Variants in TECPR1 observed in about 807,000 individuals in gnomAD.
TECPR1 encodes tectonin beta-propeller repeat containing 1.
A neutral mutation model predicts 162.4 loss-of-function variants in TECPR1; 122 were observed. The ratio of observed to expected loss-of-function variants is 0.75; its 90% CI spans 0.65 to 0.87. The LOEUF (loss-of-function observed/expected upper bound fraction) is 0.87, where lower values mean the gene tolerates loss of function less well. Among genes scored for constraint, TECPR1 ranks in the 40% least tolerant of loss-of-function variants. The probability of loss-of-function intolerance (pLI) is 0.00; values close to 1 mark genes in which losing one functional copy is unlikely to be tolerated. For synonymous variants in TECPR1, 642 were observed against 670.6 expected (o/e 0.96, Z 0.66); for missense variants, 1,432 against 1,618.2 (o/e 0.88, Z 1.97).
intron 15 of TECPR1, 22 bp from the exon 16 acceptor site, chr7:98,229,188 G>A (rs1283182846): frequency 5.0e-5 from 77 of 1,550,364 alleles, no homozygotes; most frequent in Non-Finnish European, 5.8e-5. Context: ...GGAGAGGGCA[G>A]GTGGAAACCC....
At chr7:98,230,807 G>A (rs1181361475) in intron 15 of TECPR1, among the ~76,000 whole-genome samples, 154 bp downstream of exon 15, 1 of 152,174 alleles carries the variant, frequency 6.6e-6, no homozygotes, top group Non-Finnish European at 1.5e-5. Flanking sequence ...GGCCCAGGGG[G>A]ACTTGGGGGC....
Position 98,232,752 on chromosome 7 carries a change from G to A in TECPR1, c.1818+75C>T, listed in dbSNP as rs1798477142. On this transcript the variant is annotated intron_variant, in intron 12 of 25. Transcript: ENST00000447648. This position sits in a 1 kb window ranked among gnomAD's most constrained non-coding sequence, Gnocchi z 4.6. Reference sequence around the variant, plus strand: ...GCATCTATCTGTTTCTCTCAGAGCTGGTACACAGCAGGCGCTCAATGAATG... The same window carrying A: ...GCATCTATCTGTTTCTCTCAGAGCTAGTACACAGCAGGCGCTCAATGAATG... 1 of 1,457,262 alleles carries A rather than the reference G, an allele frequency of 6.9e-7. No individual in the cohort carries two copies. The highest frequency in any genetic ancestry group is 1.4e-5 in the African/African-American group (1 of 70,264). 90.3% of individuals were successfully genotyped at this position (1,457,262 alleles called of 1,614,324 possible).
chr7:98,221,604 G>A, intron 23 of TECPR1, 57 bp downstream of exon 23: 1 of 1,506,540 alleles, frequency 6.6e-7, no homozygotes, highest in Non-Finnish European at 9.2e-7. Context: ...TGAGATTACA[G>A]GTGTGAGCCA....
At chr7:98,226,457 G>A in intron 17 of TECPR1, 1 of 1,014,500 alleles carries the variant, frequency 9.9e-7, no homozygotes, top group Non-Finnish European at 1.2e-6. Flanking sequence ...GAACGGTGAG[G>A]TCATGGAGCC....
At chr7:98,229,013 C>T in intron 16 of TECPR1, 26 bp downstream of exon 16, 1 of 1,595,742 alleles carries the variant, frequency 6.3e-7, no homozygotes, top group Non-Finnish European at 8.5e-7. Context: ...CAGGAAGGCT[C>T]CGGGGGGGCT....
rs1414889217 is a variant in TECPR1 at position 98,222,388 on chromosome 7, G to A, written c.3062C>T (p.Ala1021Val). 3.1e-6 allele frequency: 5 copies of A among 1,602,802 alleles called. No homozygotes were observed. Among genetic ancestry groups the A allele is most frequent in the Admixed American group, 1.7e-5 (1 of 58,592 alleles). The part of the protein sequence containing the change: ...YRGSVYPSQP[A>V]GDCWYHIPSP... ...GGCTCCTGGGGCGCGGCACTCACCG[G>A]CTGGCTGCGAGGGGTACACGGATCC... The change falls in exon 22 of 26, where the codon GCC becomes GTC. Residue 1021 changes from alanine to valine, a missense_variant and splice_region_variant. Physicochemically the swap from Ala to Val is moderately conservative, Grantham distance 64. Coordinates refer to ENST00000447648, the MANE Select transcript of TECPR1 (RefSeq NM_015395.3).
intron 19 of TECPR1, among the ~76,000 whole-genome samples, 191 bp downstream of exon 19, chr7:98,224,610 C>T (rs1798228347): frequency 6.6e-6 from 1 of 152,186 alleles, no homozygotes; most frequent in Non-Finnish European, 1.5e-5. Context: ...GGGAGCACTC[C>T]CCTGGGCCCC....
Position 98,233,544 on chromosome 7 carries a change from G to A in TECPR1, c.1549C>T (p.Leu517Phe), listed in dbSNP as rs1584340633. The change falls in exon 11 of 26, where the codon CTC becomes TTC. Residue 517 changes from leucine to phenylalanine, a missense_variant. Coordinates refer to ENST00000447648, the MANE Select transcript of TECPR1 (RefSeq NM_015395.3). ...GGCTCCTCCAAGCCCAGTGGGAGGA[G>A]CCCCAGAGAGGAGAGGCTGGTGGTC... ...PETTSLSSLG[L>F]LPLGLEEPYG... is the part of the protein sequence containing the mutation. 1.3e-6 allele frequency: 2 copies of A among 1,592,682 alleles called. No homozygotes were observed. Among genetic ancestry groups the A allele is most frequent in the Non-Finnish European group, 8.5e-7 (1 of 1,171,756 alleles).
chr7:98,225,125 G>A (rs899387049), intron 17 of TECPR1, 23 bp from the exon 18 acceptor site: 23 of 1,551,764 alleles, frequency 1.5e-5, no homozygotes, highest in Non-Finnish European at 1.8e-5. Flanking sequence ...AACAGGGCAG[G>A]TGACGAGGGA....
At chr7:98,243,350 G>A in intron 6 of TECPR1, 117 bp downstream of exon 6, 3 of 1,392,576 alleles carry the variant, frequency 2.2e-6, no homozygotes, top group Non-Finnish European at 1.9e-6. Context: ...CCAGGAGCAG[G>A]CATGGGGTGG....
intron 13 of TECPR1, 74 bp from the exon 14 acceptor site, chr7:98,231,447 C>T: frequency 6.7e-7 from 1 of 1,483,622 alleles, no homozygotes; most frequent in Middle Eastern, 2.0e-4. Flanking sequence ...CCCCACTGTG[C>T]TTCACCCTGG....
chr7:98,220,292 C>T (rs1004351376), intron 23 of TECPR1, among the ~76,000 whole-genome samples: 3 of 151,916 alleles, frequency 2.0e-5, no homozygotes, highest in Admixed American at 6.6e-5. Context: ...TGCAGTAAGC[C>T]GAGATCATGT....
chr7:98,219,447 A>G (rs1269860345), intron 23 of TECPR1, among the ~76,000 whole-genome samples: 1 of 152,226 alleles, frequency 6.6e-6, no homozygotes, highest in Non-Finnish European at 1.5e-5. Context: ...AGTAAACAGA[A>G]AACCCACAGG....
At position 98,243,547 on chromosome 7, in the gene TECPR1, C is replaced by T. The variant is rs755862922; in HGVS notation, c.577G>A (p.Asp193Asn). Residue 193 changes from aspartate (D) to asparagine (N), a missense_variant, in exon 6 of 26, where the codon GAC (aspartate) becomes AAC (asparagine). Coordinates refer to ENST00000447648, the MANE Select transcript of TECPR1 (RefSeq NM_015395.3). ...DPKELPDPFN[D>N]LSVGGWEITE... ...ATCTCCCAGCCCCCTACAGAGAGGT[C>T]GTTGAAGGGGTCGGGCAGCTCCTTG... is the stretch of plus-strand genomic sequence containing the variant. 6.2e-6 allele frequency: 10 copies of T among 1,612,556 alleles called. No individual in the cohort carries two copies. The highest frequency in any genetic ancestry group is 3.3e-5 in the Admixed American group (2 of 60,000).
rs941912851 is a variant in TECPR1, at chr7:98,216,178, C to T, written c.*1212G>A. On this transcript the variant is annotated 3_prime_UTR_variant, in exon 26 of 26. Transcript: ENST00000447648. ...GGGGTCGGGGCCACTTGGCCGACAC[C>T]TTCTGCCTCGCCTGGCCGGGCCGGG... 6.6e-6 allele frequency: 1 copy of T among 152,344 alleles called. No individual in the cohort carries two copies. The highest frequency in any genetic ancestry group is 6.5e-5 in the Admixed American group (1 of 15,288). The allele number at this position is 152,344 out of a possible 1,614,324, so 9.4% of individuals were successfully genotyped here. A position where few individuals can be genotyped will look rare whatever the true frequency, so the allele number is the denominator to read the frequency against.
At chr7:98,225,945 A>G (rs1370526817) in intron 17 of TECPR1, among the ~76,000 whole-genome samples, 2 of 152,178 alleles carry the variant, frequency 1.3e-5, no homozygotes, top group Non-Finnish European at 2.9e-5. Flanking sequence ...TGTTCAAACC[A>G]TGTGGTCTGT....
At chr7:98,244,155 G>A (rs76271310) in intron 5 of TECPR1, among the ~76,000 whole-genome samples, 1 of 152,184 alleles carries the variant, frequency 6.6e-6, no homozygotes, top group East Asian at 1.9e-4. Flanking sequence ...ATGTCCCAGG[G>A]AGGCCTCCAC....
chr7:98,228,044 C>A lies in TECPR1; in HGVS notation c.2483G>T (p.Arg828Leu), dbSNP rs759530130. ...VKCVHIYENQRWNPVTGYTSR... is the reference protein window; with the variant it reads ...VKCVHIYENQLWNPVTGYTSR... Reference sequence around the variant, plus strand: ...GGTGTAGCCTGTGACGGGGTTCCAGCGCTGGTTCTCATAGATGTGAACACA... The same window carrying A: ...GGTGTAGCCTGTGACGGGGTTCCAGAGCTGGTTCTCATAGATGTGAACACA... Residue 828 changes from arginine to leucine, a missense_variant, in exon 17 of 26, where the codon CGC (arginine) becomes CTC (leucine). Transcript: ENST00000447648. 2 of 1,612,920 alleles carry A rather than the reference C, an allele frequency of 1.2e-6. No individual in the cohort carries two copies. The highest frequency in any genetic ancestry group is 1.7e-6 in the Non-Finnish European group (2 of 1,179,566).
Position 98,231,306 on chromosome 7 carries a change from A to G in TECPR1, c.2042T>C (p.Phe681Ser). Residue 681 changes from phenylalanine to serine, a missense_variant, in exon 14 of 26, where the codon TTT (phenylalanine) becomes TCT (serine). Physicochemically the swap from Phe to Ser is radical, Grantham distance 155. Coordinates refer to ENST00000447648, the MANE Select transcript of TECPR1 (RefSeq NM_015395.3). ...TGTCCGCTCAGGGGTGTACAGGGCA[A>G]AGGAGTGCTTGGTCTCGTTCAGCAC... ...VPVLNETKHSFALYTPERTRQ... is the reference protein window; with the variant it reads ...VPVLNETKHSSALYTPERTRQ... The G allele has an allele frequency of 6.2e-7, 1 of 1,612,584 alleles. No homozygotes were observed. Among genetic ancestry groups the G allele is most frequent in the Non-Finnish European group, 8.5e-7 (1 of 1,179,432 alleles).
Sources: gnomAD v4.1 joint callset for allele counts (sites outside exome capture counted in the v4.1 genomes callset) on GRCh38, gnomAD v4.1.1 for gene constraint, Gnocchi (gnomAD v3.1) non-coding constraint, MANE v1.5 for transcripts, NCBI Gene and HGNC (gene_info 2026-07-23, HGNC 2026-07-21) for gene names.